IQCH: variants seen among roughly 807,000 people sequenced by gnomAD.
The protein encoded by IQCH is IQ domain-containing protein H.
Under a neutral mutation model 117.0 loss-of-function variants are expected in IQCH, and 98 were observed. The ratio of observed to expected loss-of-function variants is 0.84; its 90% CI spans 0.71 to 0.99. IQCH has a LOEUF of 0.99. IQCH is among the 50% of genes least tolerant of loss of function. The pLI, the probability that IQCH is intolerant of heterozygous loss-of-function variation, is 0.00. For synonymous variants in IQCH, 412 were observed against 448.2 expected, an observed-to-expected ratio of 0.92 and a Z score of 1.02; for missense variants, 1,102 against 1,243.8, an observed-to-expected ratio of 0.89 and a Z score of 1.72.
intron 10 of IQCH, among the ~76,000 whole-genome samples, chr15:67,382,517 C>T (rs1970967560): frequency 6.6e-6 from 1 of 152,196 alleles, no homozygotes; most frequent in Non-Finnish European, 1.5e-5. Flanking sequence ...ATTATTCTGC[C>T]TACTACAACA....
At chr15:67,306,254 TA>T (rs1241207702) in intron 4 of IQCH, among the ~76,000 whole-genome samples, 1 of 152,118 alleles carries the variant, frequency 6.6e-6, no homozygotes, top group African/African-American at 2.4e-5. Flanking sequence ...AACAGTCATA[TA>T]AAGCATTTGG....
rs924720580 is a variant in IQCH, at chr15:67,479,765, T to C, written c.2799+3947T>C. ...AGAAAGCAACATTAATAACACATCA[T>C]TGTCAGTGCTACCAAAAGAAGAATC... On this transcript the variant is annotated intron_variant, in intron 18 of 20. Coordinates refer to ENST00000335894, the MANE Select transcript of IQCH (RefSeq NM_001031715.3). This position sits in a 1 kb window ranked among gnomAD's most constrained non-coding sequence, Gnocchi z 4.6. 2.0e-5 allele frequency among the ~76,000 whole-genome samples: 3 copies of C among 152,208 alleles called. No individual in the cohort carries two copies. The highest frequency in any genetic ancestry group is 7.2e-5 in the African/African-American group (3 of 41,458).
intron 6 of IQCH, among the ~76,000 whole-genome samples, chr15:67,355,234 T>G (rs1969840222): frequency 6.6e-6 from 1 of 152,204 alleles, no homozygotes; most frequent in African/African-American, 2.4e-5. Flanking sequence ...AAAAAATTTT[T>G]TTTCTAATTT....
At chr15:67,293,097 A>G (rs556796238) in intron 4 of IQCH, among the ~76,000 whole-genome samples, 1 of 152,342 alleles carries the variant, frequency 6.6e-6, no homozygotes, top group African/African-American at 2.4e-5. Context: ...CCATGCCTCA[A>G]TTCCTCATCT....
chr15:67,263,632 T>C (rs979697112), intron 3 of IQCH, among the ~76,000 whole-genome samples: 1 of 152,176 alleles, frequency 6.6e-6, no homozygotes, highest in African/African-American at 2.4e-5. Flanking sequence ...TGTTATTTTA[T>C]AGTGAAAGGT....
intron 13 of IQCH, among the ~76,000 whole-genome samples, chr15:67,399,156 G>A (rs993142438): frequency 6.6e-6 from 1 of 152,110 alleles, no homozygotes; most frequent in African/African-American, 2.4e-5. Context: ...ATGAGCATAG[G>A]TTTTGGAGTC....
At chr15:67,392,240 G>A in intron 12 of IQCH, among the ~76,000 whole-genome samples, 1 of 152,292 alleles carries the variant, frequency 6.6e-6, no homozygotes, top group East Asian at 1.9e-4. Context: ...TGCTGCCTTG[G>A]AATCCTCTTC....
chr15:67,320,363 T>G (rs1968056910), intron 4 of IQCH, among the ~76,000 whole-genome samples: 1 of 151,594 alleles, frequency 6.6e-6, no homozygotes, highest in Non-Finnish European at 1.5e-5. Flanking sequence ...CCCAAAGTCT[T>G]TCTTAGATCT....
chr15:67,337,915 C>T (rs1208086499), intron 5 of IQCH, among the ~76,000 whole-genome samples: 3 of 152,182 alleles, frequency 2.0e-5, no homozygotes, highest in African/African-American at 7.2e-5. Context: ...TCAAAGTCCT[C>T]CAGCTTCTAG....
intron 3 of IQCH, among the ~76,000 whole-genome samples, chr15:67,277,244 T>G (rs1266219522): frequency 6.6e-6 from 1 of 152,224 alleles, no homozygotes; most frequent in African/African-American, 2.4e-5. Flanking sequence ...GCCCTTAGCC[T>G]ATTAATCAGA....
At chr15:67,311,839 A>G (rs1209168929) in intron 4 of IQCH, among the ~76,000 whole-genome samples, 1 of 152,094 alleles carries the variant, frequency 6.6e-6, no homozygotes, top group Non-Finnish European at 1.5e-5. Flanking sequence ...TTATTTTTTA[A>G]CAAGAGCAAA....
intron 4 of IQCH, among the ~76,000 whole-genome samples, chr15:67,310,239 A>T (rs570545787): frequency 2.0e-5 from 3 of 152,242 alleles, no homozygotes; most frequent in Admixed American, 6.5e-5. Flanking sequence ...ACATATTTCA[A>T]TTGATGCCAA....
In IQCH at chr15:67,387,922, C is replaced by T. The variant is rs1480936690; in HGVS notation, c.1457-909C>T. 1.3e-5 allele frequency among the ~76,000 whole-genome samples: 2 copies of T among 152,178 alleles called. No individual in the cohort carries two copies. The highest frequency in any genetic ancestry group is 4.8e-5 in the African/African-American group (2 of 41,444). On this transcript the variant is annotated intron_variant, in intron 11 of 20. Transcript: ENST00000335894. This position sits in a 1 kb window ranked among gnomAD's most constrained non-coding sequence, Gnocchi z 4.8. ...TGCCTAAGAAAACGTTTACAGTGCT[C>T]CCTCCTCTGAACTTCTCTAAGTACC... is the stretch of plus-strand genomic sequence containing the variant.
rs1223312712 is a variant in IQCH, at chr15:67,456,263, CA to C, written c.2506-8863del. Among the ~76,000 whole-genome samples, 8 of 152,134 alleles carry C rather than the reference CA, an allele frequency of 5.3e-5. No homozygotes were observed. The highest frequency in any genetic ancestry group is 1.9e-4 in the African/African-American group (8 of 41,416). ...AATTTTAGATATAGTTTCTGCATAT[CA>C]TGAACGAATTTCCAAAGTCACAGAG... On this transcript the variant is annotated intron_variant, in intron 16 of 20. Transcript: ENST00000335894. This position sits in a 1 kb window ranked among gnomAD's most constrained non-coding sequence, Gnocchi z 5.1.
chr15:67,458,420 A>T lies in IQCH; in HGVS notation c.2506-6707A>T, dbSNP rs2082709252. On this transcript the variant is annotated intron_variant, in intron 16 of 20. Transcript: ENST00000335894. The surrounding 1 kb of genome is among the most constrained non-coding windows in gnomAD (Gnocchi z 4.1). ...CCACTTCTCCCACCTTCCAGTTACC[A>T]GTGTGGTCCAGCCACCATCATCTCT... is the stretch of plus-strand genomic sequence containing the variant. Among the ~76,000 whole-genome samples the T allele has an allele frequency of 6.6e-6, 1 of 152,234 alleles. No individual in the cohort carries two copies.
At chr15:67,295,161 T>C (rs1966844617) in intron 4 of IQCH, among the ~76,000 whole-genome samples, 1 of 152,156 alleles carries the variant, frequency 6.6e-6, no homozygotes. Context: ...TGATCTCTCT[T>C]CATACTCGCT....
intron 14 of IQCH, among the ~76,000 whole-genome samples, chr15:67,402,452 T>C (rs1310369575): frequency 6.6e-6 from 1 of 152,238 alleles, no homozygotes; most frequent in Non-Finnish European, 1.5e-5. Context: ...ATTGAGAATT[T>C]AGGATTAGAA....
chr15:67,326,649 G>C (rs1968425354), intron 4 of IQCH, among the ~76,000 whole-genome samples: 1 of 152,012 alleles, frequency 6.6e-6, no homozygotes, highest in African/African-American at 2.4e-5. Context: ...ACTTTTTAAT[G>C]ATCGTCATTC....
chr15:67,288,220 G>A (rs1006270327), intron 4 of IQCH, among the ~76,000 whole-genome samples: 10 of 152,146 alleles, frequency 6.6e-5, no homozygotes, highest in African/African-American at 2.4e-4. Flanking sequence ...GCCTTCTGCA[G>A]CCATGGGATG....
Sources: allele counts gnomAD v4.1 joint callset (sites outside exome capture counted in the v4.1 genomes callset), GRCh38; gene constraint gnomAD v4.1.1; non-coding constraint Gnocchi (gnomAD v3.1); transcripts MANE v1.5; gene names NCBI Gene and HGNC (gene_info 2026-07-23, HGNC 2026-07-21).